C12orf42: variants seen among roughly 807,000 people sequenced by gnomAD.
The protein encoded by C12orf42 is uncharacterized protein C12orf42.
In C12orf42, 25 loss-of-function variants were observed where a neutral mutation model predicts 21.6. The ratio of observed to expected loss-of-function variants is 1.16; its 90% CI spans 0.84 to 1.62. The LOEUF (loss-of-function observed/expected upper bound fraction) is 1.62. C12orf42 is among the 40% of genes most tolerant of loss of function. C12orf42 has a pLI of 0.00. For missense variants in C12orf42, 483 were observed against 459.3 expected (o/e 1.05, Z -0.47); for synonymous variants, 174 against 175.0 (o/e 0.99, Z 0.05).
the C12orf42 span, among the ~76,000 whole-genome samples, chr12:103,520,367 C>A: frequency 1.3e-5 from 2 of 152,102 alleles, no homozygotes; most frequent in African/African-American, 4.8e-5. Context: ...AATATACACT[C>A]CTCCCAGAAT....
chr12:103,377,595 C>T (rs552864774), intron 3 of C12orf42, among the ~76,000 whole-genome samples: 6 of 152,256 alleles, frequency 3.9e-5, no homozygotes, highest in African/African-American at 1.4e-4. Flanking sequence ...GAATCCCCAC[C>T]TCATCCCCGA....
chr12:103,213,588 A>G, the C12orf42 span, among the ~76,000 whole-genome samples: 68 of 152,292 alleles, frequency 4.5e-4, no homozygotes, highest in Non-Finnish European at 7.4e-4. Context: ...TCCCAGGAAC[A>G]CTGGCCAGCA....
At chr12:103,240,631 C>G (rs2033691556) in intron 10 of C12orf42, among the ~76,000 whole-genome samples, 2 of 152,144 alleles carry the variant, frequency 1.3e-5, no homozygotes, top group Non-Finnish European at 2.9e-5. Context: ...GTTTCCATGT[C>G]CCAGGCTAAA....
upstream of C12orf42, among the ~76,000 whole-genome samples, chr12:103,496,969 T>C (rs778619256): frequency 2.6e-5 from 4 of 152,188 alleles, no homozygotes; most frequent in Non-Finnish European, 4.4e-5. Context: ...AAAAGTAAGT[T>C]TGTACTATTG....
the C12orf42 span, among the ~76,000 whole-genome samples, chr12:103,158,434 T>C: frequency 6.6e-6 from 1 of 152,312 alleles, no homozygotes; most frequent in East Asian, 1.9e-4. Flanking sequence ...TTCTAAGGAT[T>C]CCTAAGGAAC....
At chr12:103,504,104 G>A in the C12orf42 span, 7 of 152,348 alleles carry the variant, frequency 4.6e-5, no homozygotes, top group African/African-American at 1.7e-4. Flanking sequence ...CTGGCCAAGG[G>A]GGCGCTCCTG....
chr12:103,299,171 T>C (rs868442015), downstream of C12orf42, among the ~76,000 whole-genome samples: 11 of 152,082 alleles, frequency 7.2e-5, no homozygotes, highest in Admixed American at 1.3e-4. Context: ...TAACATATTA[T>C]ACAGTTTTTA....
chr12:103,228,314 G>A, the C12orf42 span, among the ~76,000 whole-genome samples: 1 of 151,848 alleles, frequency 6.6e-6, no homozygotes, highest in Non-Finnish European at 1.5e-5. Flanking sequence ...GGGTCGCAAG[G>A]TGCTCAGTGG....
At chr12:103,148,411 A>G in the C12orf42 span, among the ~76,000 whole-genome samples, 1 of 152,142 alleles carries the variant, frequency 6.6e-6, no homozygotes, top group Non-Finnish European at 1.5e-5. Context: ...AAAATGCCTA[A>G]TTTATAACCT....
chr12:103,138,665 C>A, the C12orf42 span, among the ~76,000 whole-genome samples: 2 of 152,112 alleles, frequency 1.3e-5, no homozygotes, highest in Admixed American at 1.3e-4. Context: ...TCTGAGAAAT[C>A]AATGTCATCA....
the C12orf42 span, among the ~76,000 whole-genome samples, chr12:103,171,170 A>G: frequency 4.6e-5 from 7 of 152,156 alleles, no homozygotes; most frequent in African/African-American, 1.7e-4. Flanking sequence ...CAAAAGGACC[A>G]CTAAAATAGC....
intron 2 of C12orf42, among the ~76,000 whole-genome samples, chr12:103,403,227 T>A (rs1249226454): frequency 2.6e-5 from 4 of 151,882 alleles, no homozygotes; most frequent in South Asian, 4.2e-4. Context: ...TACAAAAAAA[T>A]TAGCCGGGAG....
chr12:103,517,650 G>A, the C12orf42 span, among the ~76,000 whole-genome samples: 2 of 152,150 alleles, frequency 1.3e-5, no homozygotes, highest in East Asian at 3.9e-4. Context: ...ATGGCCTTTG[G>A]GAAGTGTATT....
At chr12:103,314,035 AC>A (rs1228022543) in intron 4 of C12orf42, among the ~76,000 whole-genome samples, 1 of 152,140 alleles carries the variant, frequency 6.6e-6, no homozygotes, top group Non-Finnish European at 1.5e-5. Flanking sequence ...ATGAGTGGAG[AC>A]CTGTGAAGAT....
the C12orf42 span, among the ~76,000 whole-genome samples, chr12:103,130,278 G>C: frequency 6.6e-6 from 1 of 151,180 alleles, no homozygotes. Flanking sequence ...AGGTCATATA[G>C]CTATAGGTAG....
At chr12:103,308,481 G>A (rs1035758556) in intron 4 of C12orf42, among the ~76,000 whole-genome samples, 5 of 152,174 alleles carry the variant, frequency 3.3e-5, no homozygotes, top group African/African-American at 1.2e-4. Flanking sequence ...GAGAGTCAAT[G>A]TAGTTTAGCA....
chr12:103,548,623 A>G, the C12orf42 span: 1 of 152,226 alleles, frequency 6.6e-6, no homozygotes, highest in East Asian at 1.9e-4. Flanking sequence ...AAGACATCAC[A>G]TGTGAATTGC....
the C12orf42 span, among the ~76,000 whole-genome samples, chr12:103,080,144 TTC>T: frequency 6.6e-6 from 1 of 152,168 alleles, no homozygotes; most frequent in Admixed American, 6.6e-5. Context: ...GGAGGCTTCT[TTC>T]TGATATGGCT....
the C12orf42 span, among the ~76,000 whole-genome samples, chr12:103,053,361 T>G: frequency 6.6e-6 from 1 of 151,946 alleles, no homozygotes. Context: ...ACTGAACATC[T>G]TTTCATGGGC....
Sources: gnomAD v4.1 joint callset for allele counts (sites outside exome capture counted in the v4.1 genomes callset) on GRCh38, gnomAD v4.1.1 for gene constraint, MANE v1.5 for transcripts, NCBI Gene and HGNC (gene_info 2026-07-23, HGNC 2026-07-21) for gene names.